BBX: variants seen among roughly 807,000 people sequenced by gnomAD.
BBX encodes the protein HMG box transcription factor BBX.
In BBX, 30 loss-of-function variants were observed where a neutral mutation model predicts 100.2. The ratio of observed to expected loss-of-function variants is 0.30; its 90% CI spans 0.22 to 0.41. The LOEUF (loss-of-function observed/expected upper bound fraction) is 0.41, where lower values mean the gene tolerates loss of function less well. Among genes scored for constraint, BBX ranks in the 10% least tolerant of loss-of-function variants. The probability of loss-of-function intolerance (pLI) is 1.00; values close to 1 mark genes in which losing one functional copy is unlikely to be tolerated. For synonymous variants in BBX, 376 were observed against 388.1 expected (o/e 0.97, Z 0.37); for missense variants, 1,023 against 1,129.8 (o/e 0.91, Z 1.35).
chr3:107,626,165 A>C (rs9836754), intron 2 of BBX, among the ~76,000 whole-genome samples: 38,358 of 152,160 alleles, frequency 0.25, 6,059 homozygotes, highest in South Asian at 0.37. Context: ...TAATCTATTT[A>C]ACAAGCAAAG....
At chr3:107,725,550 A>G (rs990662747) in intron 5 of BBX, among the ~76,000 whole-genome samples, 1 of 152,012 alleles carries the variant, frequency 6.6e-6, no homozygotes, top group Admixed American at 6.6e-5. Flanking sequence ...TTGAGGCTCC[A>G]TTTTTAAAAG....
intron 3 of BBX, chr3:107,662,060 T>C: frequency 4.2e-6 from 1 of 238,008 alleles, no homozygotes; most frequent in Non-Finnish European, 6.8e-6. Flanking sequence ...TGTAAACTCT[T>C]GTCAGTGGTT....
At chr3:107,686,523 G>A (rs1212822464) in intron 3 of BBX, among the ~76,000 whole-genome samples, 1 of 151,804 alleles carries the variant, frequency 6.6e-6, no homozygotes, top group Admixed American at 6.6e-5. Context: ...GAAGATAGTT[G>A]AAATAGTGAC....
chr3:107,781,090 T>C (rs1305980849), intron 13 of BBX, among the ~76,000 whole-genome samples: 1 of 152,104 alleles, frequency 6.6e-6, no homozygotes. Flanking sequence ...ATGTATAGAA[T>C]TTTTCTAAAG....
At chr3:107,755,946 G>GT (rs2065440439) in intron 10 of BBX, among the ~76,000 whole-genome samples, 1 of 152,142 alleles carries the variant, frequency 6.6e-6, no homozygotes, top group Non-Finnish European at 1.5e-5. Context: ...GATTGGCTAT[G>GT]TAAGTCCAGC....
intron 2 of BBX, among the ~76,000 whole-genome samples, chr3:107,553,509 G>A (rs1475295751): frequency 6.6e-6 from 1 of 152,170 alleles, no homozygotes; most frequent in Admixed American, 6.5e-5. Context: ...TGGGCTAAAG[G>A]ACAGATTGGA....
rs761035501 is a variant in BBX, at chr3:107,805,549, A to G, written c.*92A>G. On this transcript the variant is annotated 3_prime_UTR_variant, in exon 18 of 18. Coordinates refer to ENST00000325805, the MANE Select transcript of BBX (RefSeq NM_001142568.3). The stretch of plus-strand genomic sequence containing the variant: ...CTAGTGAGTCCAAGTGGTGGAAAAT[A>G]TAGACTGCAAACAAGTGCTTGTTGC... 1 of 1,605,322 alleles carries G rather than the reference A, an allele frequency of 6.2e-7. No individual in the cohort carries two copies. Among genetic ancestry groups the G allele is most frequent in the Admixed American group, 1.7e-5 (1 of 58,560 alleles).
At chr3:107,547,083 A>G (rs892318401) in intron 2 of BBX, among the ~76,000 whole-genome samples, 9 of 152,192 alleles carry the variant, frequency 5.9e-5, no homozygotes, top group Non-Finnish European at 1.3e-4. Context: ...TATCTAAACA[A>G]GTTGTTTTAT....
chr3:107,649,811 C>T lies in BBX; in HGVS notation c.-10+3902C>T, dbSNP rs1011857304. On this transcript the variant is annotated intron_variant, in intron 3 of 17. Coordinates refer to ENST00000325805, the MANE Select transcript of BBX (RefSeq NM_001142568.3). The stretch of plus-strand genomic sequence containing the variant: ...TGAGTCCTGTAGAAATATTCGTTAC[C>T]GCATAATCTAATAATTAACTTCTTG... Among the ~76,000 whole-genome samples the T allele has an allele frequency of 2.0e-5, 3 of 152,060 alleles. 1 individual carries two copies. Among genetic ancestry groups the T allele is most frequent in the South Asian group, 4.2e-4 (2 of 4,808 alleles).
intron 2 of BBX, among the ~76,000 whole-genome samples, chr3:107,589,550 T>C (rs1576414846): frequency 6.6e-6 from 1 of 152,300 alleles, no homozygotes; most frequent in East Asian, 1.9e-4. Context: ...AGCACCGGTT[T>C]AAGTGATCAC....
At chr3:107,615,139 A>G (rs2055152964) in intron 2 of BBX, among the ~76,000 whole-genome samples, 3 of 152,166 alleles carry the variant, frequency 2.0e-5, no homozygotes, top group Admixed American at 6.5e-5. Flanking sequence ...AGACTGGTAT[A>G]TTGGTGTTTC....
chr3:107,663,403 C>T (rs1329212580), intron 3 of BBX, among the ~76,000 whole-genome samples: 3 of 152,038 alleles, frequency 2.0e-5, no homozygotes, highest in South Asian at 4.1e-4. Context: ...AACATTAACA[C>T]GAATAACTGA....
chr3:107,715,117 G>A (rs1409352353), intron 4 of BBX, among the ~76,000 whole-genome samples: 1 of 152,132 alleles, frequency 6.6e-6, no homozygotes, highest in Non-Finnish European at 1.5e-5. Context: ...GATTAAGCAG[G>A]TGATTAGTCC....
chr3:107,790,135 T>C (rs2068849880), intron 14 of BBX, among the ~76,000 whole-genome samples: 1 of 152,220 alleles, frequency 6.6e-6, no homozygotes, highest in Admixed American at 6.5e-5. Context: ...CCTCTTCTCA[T>C]CTGTATTTGG....
chr3:107,648,309 T>C (rs2057645395), intron 3 of BBX, among the ~76,000 whole-genome samples: 1 of 152,166 alleles, frequency 6.6e-6, no homozygotes, highest in South Asian at 2.1e-4. Flanking sequence ...TAGGAAAAGT[T>C]TCTAATATGT....
chr3:107,624,371 A>AT (rs1251067220), intron 2 of BBX, among the ~76,000 whole-genome samples: 1 of 151,794 alleles, frequency 6.6e-6, no homozygotes, highest in Non-Finnish European at 1.5e-5. Context: ...TTATTTTTTT[A>AT]TTTTTTTGGA....
chr3:107,713,824 G>A (rs1440517384), intron 4 of BBX, among the ~76,000 whole-genome samples: 3 of 151,874 alleles, frequency 2.0e-5, no homozygotes, highest in African/African-American at 7.3e-5. Flanking sequence ...CAGTGTTGTC[G>A]AACTGCAAGT....
At chr3:107,563,444 G>T (rs2050655594) in intron 2 of BBX, among the ~76,000 whole-genome samples, 1 of 152,080 alleles carries the variant, frequency 6.6e-6, no homozygotes, top group Non-Finnish European at 1.5e-5. Context: ...GCTGGGTTTG[G>T]CCTTTTAGGA....
chr3:107,759,433 G>A (rs960933219), intron 10 of BBX, among the ~76,000 whole-genome samples: 4 of 152,042 alleles, frequency 2.6e-5, no homozygotes, highest in Admixed American at 6.6e-5. Flanking sequence ...GTTTCCTTTC[G>A]TTTTGAAATT....
Sources: allele counts gnomAD v4.1 joint callset (sites outside exome capture counted in the v4.1 genomes callset), GRCh38; gene constraint gnomAD v4.1.1; transcripts MANE v1.5; gene names NCBI Gene and HGNC (gene_info 2026-07-23, HGNC 2026-07-21).